Variants in TIAM1 observed in about 807,000 individuals in gnomAD.
TIAM1 encodes rho guanine nucleotide exchange factor TIAM1.
A neutral mutation model predicts 163.5 loss-of-function variants in TIAM1; 65 were observed. The observed-to-expected ratio is 0.40, with a 90% CI of 0.33 to 0.49. The LOEUF is 0.49. TIAM1 is among the 20% of genes least tolerant of loss of function. The probability of loss-of-function intolerance (pLI) is 0.77; values close to 1 mark genes in which losing one functional copy is unlikely to be tolerated. For synonymous variants in TIAM1, 833 were observed against 810.1 expected, an observed-to-expected ratio of 1.03 and a Z score of -0.48; for missense variants, 1,789 against 2,044.7, an observed-to-expected ratio of 0.87 and a Z score of 2.41.
Position 31,378,769 on chromosome 21 carries a change from G to GA in TIAM1, c.-368-39348dup, listed in dbSNP as rs2076730402. Reference sequence around the variant, plus strand: ...GCAGATCCAAAATATTTTAAAAAAGGAAAAATAGATGGTTGCACTGCATCC... The same window carrying GA: ...GCAGATCCAAAATATTTTAAAAAAGGAAAAAATAGATGGTTGCACTGCATCC... On this transcript the variant is annotated intron_variant, in intron 2 of 28. Coordinates refer to the TIAM1 transcript ENST00000286827. 6.6e-5 allele frequency among the ~76,000 whole-genome samples: 10 copies of GA among 152,236 alleles called. No homozygotes were observed. In the South Asian group the frequency reaches 2.1e-3, roughly 32 times the overall value.
chr21:31,548,342 T>C (rs1601064140), intron 1 of TIAM1, among the ~76,000 whole-genome samples: 1 of 152,196 alleles, frequency 6.6e-6, no homozygotes, highest in South Asian at 2.1e-4. Context: ...GGTTTCGCCA[T>C]GTTGGCCAGG....
At chr21:31,554,285 A>G (rs1214564108) in intron 1 of TIAM1, among the ~76,000 whole-genome samples, 1 of 152,132 alleles carries the variant, frequency 6.6e-6, no homozygotes, top group African/African-American at 2.4e-5. Context: ...TCTTTTTCCC[A>G]GCACAACTGC....
chr21:31,294,258 A>G (rs2074146289), intron 2 of TIAM1, among the ~76,000 whole-genome samples: 1 of 152,236 alleles, frequency 6.6e-6, no homozygotes. Context: ...CCCAGCTAGT[A>G]AGAACTGACA....
At chr21:31,153,218 T>A in intron 17 of TIAM1, 84 bp from the exon 18 acceptor site, 2 of 1,168,240 alleles carry the variant, frequency 1.7e-6, no homozygotes, top group South Asian at 3.0e-5. Context: ...CATATGTTAA[T>A]GTCTATAAAA....
intron 2 of TIAM1, among the ~76,000 whole-genome samples, chr21:31,459,132 T>C (rs1324035195): frequency 1.3e-5 from 2 of 151,912 alleles, no homozygotes; most frequent in South Asian, 2.1e-4. Flanking sequence ...GATTGATTGA[T>C]TGACTGAGAC....
chr21:31,167,454 C>G (rs1364000968), intron 15 of TIAM1, among the ~76,000 whole-genome samples: 1 of 152,148 alleles, frequency 6.6e-6, no homozygotes, highest in Non-Finnish European at 1.5e-5. Flanking sequence ...CTACAAAACA[C>G]TTAGAAATGC....
intron 6 of TIAM1, among the ~76,000 whole-genome samples, chr21:31,236,829 G>C (rs989170443): frequency 1.3e-5 from 2 of 152,184 alleles, no homozygotes; most frequent in East Asian, 3.9e-4. Flanking sequence ...GCTCACACAG[G>C]ATGCTGAGCG....
At chr21:31,157,816 T>G (rs1244196290) in intron 16 of TIAM1, among the ~76,000 whole-genome samples, 1 of 152,222 alleles carries the variant, frequency 6.6e-6, no homozygotes, top group Non-Finnish European at 1.5e-5. Context: ...GAAATGATGT[T>G]GAACAAAACG....
chr21:31,462,248 A>G (rs2147351584), intron 2 of TIAM1, among the ~76,000 whole-genome samples: 1 of 152,302 alleles, frequency 6.6e-6, no homozygotes, highest in Middle Eastern at 3.4e-3. Context: ...TACACAAAGG[A>G]GTATGGCTGT....
At chr21:31,325,141 A>G (rs1405127501) in intron 2 of TIAM1, among the ~76,000 whole-genome samples, 1 of 151,080 alleles carries the variant, frequency 6.6e-6, no homozygotes, top group Non-Finnish European at 1.5e-5. Context: ...AAAATTAGCC[A>G]GGAATGGTGG....
At chr21:31,203,894 G>T (rs1473941319) in intron 11 of TIAM1, among the ~76,000 whole-genome samples, 1 of 152,206 alleles carries the variant, frequency 6.6e-6, no homozygotes, top group African/African-American at 2.4e-5. Context: ...CAGGGGCAGT[G>T]CTAATAGGCG....
chr21:31,522,289 C>G (rs1026341261), intron 1 of TIAM1, among the ~76,000 whole-genome samples: 28 of 151,464 alleles, frequency 1.8e-4, no homozygotes, highest in Middle Eastern at 3.4e-3. Context: ...GGCGGATCAC[C>G]TGAGGTCAAA....
chr21:31,163,818 A>G (rs548168404), intron 16 of TIAM1, among the ~76,000 whole-genome samples: 2 of 152,356 alleles, frequency 1.3e-5, no homozygotes, highest in Admixed American at 1.3e-4. Context: ...TGAGAAAACA[A>G]AAGTATACAG....
Position 31,251,716 on chromosome 21 carries a change from C to T in TIAM1, c.1411+26G>A, listed in dbSNP as rs758134238. The T allele has an allele frequency of 1.9e-6, 3 of 1,547,960 alleles. No individual in the cohort carries two copies. In the South Asian group the frequency reaches 3.7e-5, roughly 19 times the overall value. ...GGCACCTCTATTGGTGCATTTGGCACATAGCCGGGGCCCTCCCGCTCTCAC... is the reference window on the plus strand; with the variant it reads ...GGCACCTCTATTGGTGCATTTGGCATATAGCCGGGGCCCTCCCGCTCTCAC... On this transcript the variant is annotated intron_variant, in intron 5 of 27. Coordinates refer to ENST00000541036, the MANE Select transcript of TIAM1 (RefSeq NM_001353694.2).
chr21:31,219,024 CTTTTTTTTT>C lies in TIAM1; in HGVS notation c.1996-1334_1996-1326del, dbSNP rs35555743. On this transcript the variant is annotated intron_variant, in intron 8 of 27. Coordinates refer to ENST00000541036, the MANE Select transcript of TIAM1 (RefSeq NM_001353694.2). ...TGCCAGCAACCCAGAGAAGCATTTC[CTTTTTTTTT>C]TTTTTTTTTTTTTTTTTTGACGGAG... Among the ~76,000 whole-genome samples, 27 of 88,530 alleles carry C rather than the reference CTTTTTTTTT, an allele frequency of 3.0e-4. 1 individual carries two copies. Among genetic ancestry groups the C allele is most frequent in the Admixed American group, 8.0e-4 (5 of 6,248 alleles). 58.1% of individuals were successfully genotyped at this position (88,530 alleles called of 152,430 possible). A position where few individuals can be genotyped will look rare whatever the true frequency, so the allele number is the denominator to read the frequency against.
intron 8 of TIAM1, among the ~76,000 whole-genome samples, chr21:31,222,697 ATATATATATATTTTTTTTTTTT>A (rs1247568004): frequency 1.4e-3 from 52 of 36,496 alleles, no homozygotes; most frequent in African/African-American, 7.8e-3. Context: ...ATATATATAT[ATATATATATATTTTTTTTTTTT>A]TTTTTTTTTT....
At chr21:31,465,972 C>T (rs538852319) in intron 1 of TIAM1, among the ~76,000 whole-genome samples, 4 of 152,360 alleles carry the variant, frequency 2.6e-5, no homozygotes, top group African/African-American at 7.2e-5. Flanking sequence ...TCCCAAAGTG[C>T]TGGGATTACA....
intron 2 of TIAM1, among the ~76,000 whole-genome samples, chr21:31,419,062 A>G (rs1294178793): frequency 6.6e-6 from 1 of 152,138 alleles, no homozygotes; most frequent in East Asian, 1.9e-4. Context: ...ACCCTCCTGA[A>G]GGAGCTTCAG....
chr21:31,351,449 C>T (rs1044061564), intron 2 of TIAM1, among the ~76,000 whole-genome samples: 2 of 152,060 alleles, frequency 1.3e-5, no homozygotes, highest in Admixed American at 6.5e-5. Context: ...AAGGCACATA[C>T]AAATAAAAAA....
Sources: allele counts gnomAD v4.1 joint callset (sites outside exome capture counted in the v4.1 genomes callset), GRCh38; gene constraint gnomAD v4.1.1; transcripts MANE v1.5; gene names NCBI Gene and HGNC (gene_info 2026-07-23, HGNC 2026-07-21).